Variants in SCOC observed in about 807,000 individuals in gnomAD.
SCOC encodes short coiled coil protein.
In SCOC, 7 loss-of-function variants were observed where a neutral mutation model predicts 9.9. The ratio of observed to expected loss-of-function variants is 0.71; its 90% confidence interval spans 0.40 to 1.33. SCOC has a LOEUF of 1.33. SCOC is among the 40% of genes most tolerant of loss of function. The pLI, the probability that SCOC is intolerant of heterozygous loss-of-function variation, is 0.01. For synonymous variants in SCOC, 19 were observed against 28.2 expected (o/e 0.67, Z 1.03); for missense variants, 66 against 89.7 (o/e 0.74, Z 1.07).
chr4:140,342,012 C>T (rs929148824), upstream of SCOC, among the ~76,000 whole-genome samples: 2 of 152,162 alleles, frequency 1.3e-5, no homozygotes, highest in African/African-American at 4.8e-5. Flanking sequence ...ACCTTTCTGC[C>T]TCCCTCCCTA....
At chr4:140,301,198 C>T (rs889066983) in intron 1 of SCOC, among the ~76,000 whole-genome samples, 25 of 152,144 alleles carry the variant, frequency 1.6e-4, no homozygotes, top group Non-Finnish European at 1.0e-4. Context: ...GTATCTGAGG[C>T]GGAATGTACA....
At chr4:140,286,008 A>G (rs1731256835) in intron 1 of SCOC, among the ~76,000 whole-genome samples, 1 of 152,022 alleles carries the variant, frequency 6.6e-6, no homozygotes, top group African/African-American at 2.4e-5. Flanking sequence ...AACAAGGCGA[A>G]ATCCCATCTC....
At chr4:140,288,045 T>C (rs1731349152) in intron 1 of SCOC, among the ~76,000 whole-genome samples, 1 of 151,912 alleles carries the variant, frequency 6.6e-6, no homozygotes, top group Non-Finnish European at 1.5e-5. Context: ...ACCACACACA[T>C]ATGCCACATA....
intron 1 of SCOC, among the ~76,000 whole-genome samples, chr4:140,305,413 G>A (rs1415679916): frequency 6.6e-6 from 1 of 152,222 alleles, no homozygotes; most frequent in Non-Finnish European, 1.5e-5. Context: ...GCAGGAACAA[G>A]CAGCAAAAGA....
intron 1 of SCOC, among the ~76,000 whole-genome samples, chr4:140,375,497 T>C (rs1434759466): frequency 4.6e-5 from 7 of 152,206 alleles, no homozygotes; most frequent in Non-Finnish European, 1.0e-4. Context: ...TCTGAATCCA[T>C]ATTGTTAATC....
chr4:140,377,613 G>A (rs1242652470), intron 1 of SCOC, among the ~76,000 whole-genome samples: 2 of 152,136 alleles, frequency 1.3e-5, no homozygotes, highest in Admixed American at 6.5e-5. Flanking sequence ...TGAAGTTTAT[G>A]TATATGTACA....
At chr4:140,379,709 A>C (rs358313) in intron 3 of SCOC, 57 bp downstream of exon 3, 54,543 of 1,279,964 alleles carry the variant, frequency 0.043, 1,573 homozygotes, top group Middle Eastern at 0.11. Context: ...AACTTGTAAA[A>C]ATTTATATTG....
chr4:140,352,224 G>A (rs1314991463), intron 2 of SCOC, among the ~76,000 whole-genome samples: 1 of 152,178 alleles, frequency 6.6e-6, no homozygotes, highest in East Asian at 1.9e-4. Flanking sequence ...TATTGAAAAA[G>A]ATCATCTCTA....
chr4:140,299,150 T>C (rs1308758453), intron 1 of SCOC, among the ~76,000 whole-genome samples: 2 of 152,172 alleles, frequency 1.3e-5, no homozygotes, highest in African/African-American at 4.8e-5. Context: ...TGTAGGTACA[T>C]AGTAGGTGCG....
intron 1 of SCOC, among the ~76,000 whole-genome samples, chr4:140,299,767 T>C (rs1328918927): frequency 6.6e-6 from 1 of 152,076 alleles, no homozygotes; most frequent in African/African-American, 2.4e-5. Flanking sequence ...TGGAAGGCAA[T>C]GCTTGTAGTA....
chr4:140,343,742 A>G (rs72716322), intron 2 of SCOC: 30 of 1,398,714 alleles, frequency 2.1e-5, no homozygotes, highest in Non-Finnish European at 2.7e-5. Context: ...TCAAACATAC[A>G]TTCAACAACA....
intron 2 of SCOC, among the ~76,000 whole-genome samples, chr4:140,344,676 A>G (rs920645314): frequency 1.3e-5 from 2 of 152,186 alleles, no homozygotes. Context: ...GGTACGAGGT[A>G]CTGGGCTGTT....
intron 2 of SCOC, among the ~76,000 whole-genome samples, chr4:140,367,025 G>A (rs1239100849): frequency 6.6e-6 from 1 of 152,110 alleles, no homozygotes; most frequent in Non-Finnish European, 1.5e-5. Context: ...GACCAACATA[G>A]TGAAACCTCA....
At chr4:140,333,288 T>C (rs1324155135) in intron 1 of SCOC, among the ~76,000 whole-genome samples, 1 of 152,164 alleles carries the variant, frequency 6.6e-6, no homozygotes, top group Non-Finnish European at 1.5e-5. Flanking sequence ...CCTGCAATTT[T>C]TTCTTCATAG....
intron 3 of SCOC, among the ~76,000 whole-genome samples, chr4:140,380,194 C>CTTTTTTTTTTTTTTTTT (rs993271002): frequency 1.1e-4 from 12 of 108,412 alleles, no homozygotes; most frequent in African/African-American, 2.5e-4. Context: ...TTTTCTTTTT[C>CTTTTTTTTTTTTTTTTT]TTTTTTTTTT....
intron 1 of SCOC, among the ~76,000 whole-genome samples, chr4:140,283,352 GT>G (rs1731142282): frequency 6.6e-6 from 1 of 152,180 alleles, no homozygotes; most frequent in Admixed American, 6.5e-5. Context: ...GGTATGACTG[GT>G]GTTACTGGTG....
chr4:140,354,320 C>A (rs1016775389), intron 2 of SCOC, among the ~76,000 whole-genome samples: 1 of 152,036 alleles, frequency 6.6e-6, no homozygotes, highest in Non-Finnish European at 1.5e-5. Context: ...TGCTTTGAGC[C>A]CTTTGCCATA....
At chr4:140,288,677 T>C (rs867873020) in intron 1 of SCOC, among the ~76,000 whole-genome samples, 11 of 151,794 alleles carry the variant, frequency 7.2e-5, no homozygotes, top group African/African-American at 2.2e-4. Flanking sequence ...CATGTATATA[T>C]ACCACATATA....
chr4:140,366,852 G>C, intron 2 of SCOC: 1 of 789,354 alleles, frequency 1.3e-6, no homozygotes, highest in Non-Finnish European at 2.3e-6. Flanking sequence ...CGAAGCGCCT[G>C]AACACCATGT....
Sources: gnomAD v4.1 joint callset for allele counts (sites outside exome capture counted in the v4.1 genomes callset) on GRCh38, gnomAD v4.1.1 for gene constraint, MANE v1.5 for transcripts, NCBI Gene and HGNC (gene_info 2026-07-23, HGNC 2026-07-21) for gene names.